Variants in RASA3 observed in about 807,000 individuals in gnomAD.
RASA3 encodes ras GTPase-activating protein 3.
In RASA3, 73 loss-of-function variants were observed where a neutral mutation model predicts 110.0. That is an observed-to-expected ratio of 0.66 (90% CI 0.55 to 0.81). The LOEUF is 0.81. Among genes scored for constraint, RASA3 ranks in the 30% least tolerant of loss-of-function variants. RASA3 has a pLI of 0.00. For synonymous variants in RASA3, 500 were observed against 451.4 expected (o/e 1.11, Z -1.37); for missense variants, 976 against 1,113.2 (o/e 0.88, Z 1.75).
rs1368752833 is a variant in RASA3 at position 114,051,460 on chromosome 13, A to C, written c.277+592T>G. Among the ~76,000 whole-genome samples, 3 of 152,186 alleles carry C rather than the reference A, an allele frequency of 2.0e-5. No homozygotes were observed. In the East Asian group the frequency reaches 5.8e-4, roughly 29 times the overall value. ...GAGCTCCCCGAGTAACCTGAAGTCC[A>C]CTCTGCCCAGAGGCCCCACAACTTA... On this transcript the variant is annotated intron_variant, in intron 3 of 23. Transcript: ENST00000334062.
rs113848686 is a variant in RASA3 at position 113,991,208 on chromosome 13, C to G, written c.2245+1277G>C. 2.4e-5 allele frequency among the ~76,000 whole-genome samples: 2 copies of G among 83,166 alleles called. 1 individual carries two copies. The highest frequency in any genetic ancestry group is 4.5e-5 in the Non-Finnish European group (2 of 44,128). 54.6% of individuals were successfully genotyped at this position (83,166 alleles called of 152,430 possible). Reference sequence around the variant, plus strand: ...ACCCAGGGCATGCGGGGCTGGAGAACAGGCGTGGCCAAGCTCACAGATGGG... The same window carrying G: ...ACCCAGGGCATGCGGGGCTGGAGAAGAGGCGTGGCCAAGCTCACAGATGGG... On this transcript the variant is annotated intron_variant, in intron 22 of 23. Transcript: ENST00000334062.
At chr13:114,062,020 G>T (rs1594406676) in intron 2 of RASA3, among the ~76,000 whole-genome samples, 1 of 152,166 alleles carries the variant, frequency 6.6e-6, no homozygotes, top group African/African-American at 2.4e-5. Flanking sequence ...GCGGGGGTCG[G>T]ACTGACGCCG....
intron 17 of RASA3, among the ~76,000 whole-genome samples, chr13:114,008,490 G>A (rs1462010033): frequency 1.9e-4 from 2 of 10,738 alleles, no homozygotes; most frequent in Admixed American, 9.2e-4. Context: ...GGGCCTGGAG[G>A]TTGCCCCCAC....
chr13:114,110,018 G>A (rs1280347270), intron 1 of RASA3, among the ~76,000 whole-genome samples: 8 of 152,058 alleles, frequency 5.3e-5, no homozygotes, highest in Non-Finnish European at 1.2e-4. Flanking sequence ...CCCAGTGAGA[G>A]CCGTGAAACA....
intron 3 of RASA3, among the ~76,000 whole-genome samples, chr13:114,050,156 G>A (rs1353513147): frequency 6.6e-6 from 1 of 152,178 alleles, no homozygotes; most frequent in Admixed American, 6.5e-5. Context: ...ATAAAGCTAT[G>A]GGCCTGAACC....
At chr13:114,119,514 A>G (rs1384916405) in intron 1 of RASA3, among the ~76,000 whole-genome samples, 3 of 110,310 alleles carry the variant, frequency 2.7e-5, no homozygotes, top group East Asian at 4.4e-4. Flanking sequence ...GGCGTCGATC[A>G]GTGCCCCCCT....
intron 20 of RASA3, among the ~76,000 whole-genome samples, chr13:113,997,605 G>A (rs183272551): frequency 1.2e-4 from 18 of 152,080 alleles, no homozygotes; most frequent in Non-Finnish European, 2.4e-4. Context: ...TTAGAGGGAC[G>A]GGGGTGCTGG....
intron 12 of RASA3, among the ~76,000 whole-genome samples, chr13:114,016,498 C>G (rs1242792117): frequency 1.3e-5 from 2 of 152,192 alleles, no homozygotes; most frequent in Non-Finnish European, 2.9e-5. Context: ...AGGGGGCAAC[C>G]CTGGGCCTGT....
chr13:114,117,143 AGCACGTGTGTGAGGGGT>A (rs1478095261), intron 1 of RASA3, among the ~76,000 whole-genome samples: 1 of 84,294 alleles, frequency 1.2e-5, no homozygotes, highest in African/African-American at 4.9e-5. Context: ...GTGTGAGGAG[AGCACGTGTGTGAGGGGT>A]GCACGTGTGT....
At chr13:114,078,530 T>C (rs1200170744) in intron 1 of RASA3, among the ~76,000 whole-genome samples, 1 of 152,188 alleles carries the variant, frequency 6.6e-6, no homozygotes, top group Non-Finnish European at 1.5e-5. Context: ...ATGCGGTGTG[T>C]TCACCAGCCG....
At chr13:114,116,403 G>T (rs1194024910) in intron 1 of RASA3, among the ~76,000 whole-genome samples, 1 of 151,924 alleles carries the variant, frequency 6.6e-6, no homozygotes, top group East Asian at 1.9e-4. Flanking sequence ...TGAGGAATCC[G>T]AAAGACTCCA....
chr13:114,109,852 G>A (rs765105876), intron 1 of RASA3, among the ~76,000 whole-genome samples: 1 of 152,192 alleles, frequency 6.6e-6, no homozygotes, highest in Admixed American at 6.5e-5. Context: ...GCCTCGCGGC[G>A]GCACGAGACT....
intron 1 of RASA3, among the ~76,000 whole-genome samples, chr13:114,113,159 T>C (rs2080240071): frequency 6.6e-6 from 1 of 152,218 alleles, no homozygotes; most frequent in South Asian, 2.1e-4. Context: ...CCTCCTGGGC[T>C]GTTTCCACGG....
chr13:114,056,712 C>A lies in RASA3; in HGVS notation c.174-4557G>T. On this transcript the variant is annotated intron_variant, in intron 2 of 23. Coordinates refer to ENST00000334062, the MANE Select transcript of RASA3 (RefSeq NM_007368.4). This position sits in a 1 kb window ranked among gnomAD's most constrained non-coding sequence, Gnocchi z 5.7. ...TTCATAAATAAACCAGAAATCCATT[C>A]AATAAAAAGAGATAAAAATAGCAGA... The A allele has an allele frequency of 1.1e-5, 11 of 960,234 alleles. No homozygotes were observed. In the South Asian group the frequency reaches 4.8e-4, roughly 42 times the overall value. The allele number at this position is 960,234 out of a possible 1,614,324, so 59.5% of individuals were successfully genotyped here. A position where few individuals can be genotyped will look rare whatever the true frequency, so the allele number is the denominator to read the frequency against.
intron 1 of RASA3, among the ~76,000 whole-genome samples, chr13:114,130,766 C>T (rs758366248): frequency 2.0e-5 from 3 of 152,214 alleles, no homozygotes; most frequent in Non-Finnish European, 2.9e-5. Flanking sequence ...CCGCAAAGCC[C>T]CAGGCCGCCT....
rs546329970 is a variant in RASA3, at chr13:114,056,217, C to T, written c.174-4062G>A. On this transcript the variant is annotated intron_variant, in intron 2 of 23. Transcript: ENST00000334062. This position sits in a 1 kb window ranked among gnomAD's most constrained non-coding sequence, Gnocchi z 5.7. ...ATGTGTGTCCGATGAATGTCCAGTG[C>T]GTGTCCAATGCGTGTCTGGTGAGTG... is the stretch of plus-strand genomic sequence containing the variant. Among the ~76,000 whole-genome samples the T allele has an allele frequency of 1.3e-5, 2 of 152,272 alleles. No individual in the cohort carries two copies. Among genetic ancestry groups the T allele is most frequent in the Admixed American group, 1.3e-4 (2 of 15,300 alleles).
At position 113,995,684 on chromosome 13, in the gene RASA3, G is replaced by T. The variant is rs566923975; in HGVS notation, c.2141+847C>A. Among the ~76,000 whole-genome samples the T allele has an allele frequency of 1.2e-4, 12 of 101,472 alleles. No individual in the cohort carries two copies. The East Asian group carries it at 2.9e-3, about 24-fold the overall frequency. The allele number at this position is 101,472 out of a possible 152,430, so 66.6% of individuals were successfully genotyped here. On this transcript the variant is annotated intron_variant, in intron 21 of 23. Coordinates refer to ENST00000334062, the MANE Select transcript of RASA3 (RefSeq NM_007368.4). ...CTGACGGAGGACCCAGCTGATGGGG[G>T]CCCGGCTGATGGGGGGCTGGCTGAC...
At chr13:114,021,927 G>A (rs1210031951) in intron 8 of RASA3, among the ~76,000 whole-genome samples, 1 of 152,150 alleles carries the variant, frequency 6.6e-6, no homozygotes, top group Non-Finnish European at 1.5e-5. Flanking sequence ...CTCTGTGCCA[G>A]GAGGGAGCCA....
At chr13:114,026,131 A>ACAC (rs1252003090) in intron 7 of RASA3, among the ~76,000 whole-genome samples, 2 of 152,224 alleles carry the variant, frequency 1.3e-5, no homozygotes, top group Non-Finnish European at 2.9e-5. Flanking sequence ...ACAGAGTGAA[A>ACAC]CAGGAGTGCA....
Sources: gnomAD v4.1 joint callset for allele counts (sites outside exome capture counted in the v4.1 genomes callset) on GRCh38, gnomAD v4.1.1 for gene constraint, Gnocchi (gnomAD v3.1) non-coding constraint, MANE v1.5 for transcripts, NCBI Gene and HGNC (gene_info 2026-07-23, HGNC 2026-07-21) for gene names.